Variants in DNAH14 observed in about 807,000 individuals in gnomAD.
DNAH14 encodes axonemal beta dynein heavy chain 14.
A neutral mutation model predicts 520.9 loss-of-function variants in DNAH14; 478 were observed. The ratio of observed to expected loss-of-function variants is 0.92; its 90% CI spans 0.85 to 0.99. The LOEUF (loss-of-function observed/expected upper bound fraction) is 0.99, where lower values mean the gene tolerates loss of function less well. Among genes scored for constraint, DNAH14 ranks in the 50% least tolerant of loss-of-function variants. The pLI, the probability that DNAH14 is intolerant of heterozygous loss-of-function variation, is 0.00. For missense variants in DNAH14, 4,831 were observed against 5,234.5 expected (o/e 0.92, Z 2.38); for synonymous variants, 1,581 against 1,757.2 (o/e 0.90, Z 2.51).
Position 225,318,604 on chromosome 1 carries a change from A to G in DNAH14, c.9262A>G (p.Ser3088Gly), listed in dbSNP as rs756774436. The change falls in exon 61 of 86, where the codon AGT (serine) becomes GGT (glycine). Residue 3088 changes from serine to glycine, a missense_variant. By Grantham distance (56) the Ser-to-Gly change is moderately conservative. Transcript: ENST00000682510. ...YAQKTANELK[S>G]VLPAFDKAIV... Reference sequence around the variant, plus strand: ...GCAGAAAACTGCCAATGAACTAAAAAGTGTGCTGCCAGCCTTTGACAAGGC... The same window carrying G: ...GCAGAAAACTGCCAATGAACTAAAAGGTGTGCTGCCAGCCTTTGACAAGGC... 33 of 1,548,414 alleles carry G rather than the reference A, an allele frequency of 2.1e-5. No individual in the cohort carries two copies. The Admixed American group carries it at 6.5e-4, about 31-fold the overall frequency.
chr1:225,012,355 C>T (rs1041724562), intron 10 of DNAH14, among the ~76,000 whole-genome samples: 5 of 152,014 alleles, frequency 3.3e-5, no homozygotes, highest in African/African-American at 7.3e-5. Flanking sequence ...GCAGGTAACT[C>T]AACCTTTCTC....
At chr1:225,358,706 C>T (rs1431531889) in intron 74 of DNAH14, 54 bp downstream of exon 74, 11 of 1,498,316 alleles carry the variant, frequency 7.3e-6, no homozygotes, top group African/African-American at 1.4e-5. Flanking sequence ...TCTGTGTCCC[C>T]ACCCAAATCT....
chr1:225,144,326 T>C (rs1573474381), intron 28 of DNAH14, 71 bp from the exon 29 acceptor site: 11 of 1,172,434 alleles, frequency 9.4e-6, no homozygotes, highest in South Asian at 6.0e-5. Flanking sequence ...ATCTTGATTC[T>C]TTTTCTGCAT....
intron 78 of DNAH14, among the ~76,000 whole-genome samples, chr1:225,375,095 A>G (rs1161223140): frequency 2.0e-5 from 3 of 152,226 alleles, no homozygotes; most frequent in Non-Finnish European, 4.4e-5. Context: ...AAAATCGTTC[A>G]TGTCCTCCGA....
chr1:225,124,717 C>T (rs2077558969), intron 27 of DNAH14, among the ~76,000 whole-genome samples: 1 of 152,092 alleles, frequency 6.6e-6, no homozygotes, highest in Non-Finnish European at 1.5e-5. Context: ...TTCAAAGTCC[C>T]ATTAATGTGG....
chr1:225,173,567 T>C (rs984418543), intron 36 of DNAH14, among the ~76,000 whole-genome samples: 4 of 152,064 alleles, frequency 2.6e-5, no homozygotes, highest in Admixed American at 1.3e-4. Context: ...GAGATACCAT[T>C]TCACACCAGT....
chr1:225,136,635 T>G (rs2078975348), intron 27 of DNAH14, among the ~76,000 whole-genome samples: 1 of 152,172 alleles, frequency 6.6e-6, no homozygotes, highest in African/African-American at 2.4e-5. Flanking sequence ...GTCTCAGAGT[T>G]GATGTTCTCA....
chr1:224,958,546 G>A (rs1464006425), intron 3 of DNAH14, among the ~76,000 whole-genome samples: 1 of 152,122 alleles, frequency 6.6e-6, no homozygotes, highest in Admixed American at 6.6e-5. Flanking sequence ...ATAAAATAGA[G>A]GGATGATGGA....
In DNAH14 at chr1:225,289,985, A is replaced by G; in HGVS notation, c.8372A>G (p.Tyr2791Cys). The G allele has an allele frequency of 6.5e-7, 1 of 1,543,800 alleles. No individual in the cohort carries two copies. Among genetic ancestry groups the G allele is most frequent in the Admixed American group, 2.0e-5 (1 of 49,970 alleles). The change falls in exon 55 of 86, where the codon TAC becomes TGC. Residue 2791 changes from tyrosine (Y) to cysteine (C), a missense_variant. Tyr to Cys is a radical substitution (Grantham distance 194). Transcript: ENST00000682510. The stretch of plus-strand genomic sequence containing the variant: ...GTGCCTATATCTCACAAATGTGCCT[A>G]CATCGAATTCAAAGAAGTCTTTAAA... ...YRVPISHKCA[Y>C]IEFKEVFKKV...
At chr1:224,979,395 C>G (rs1165763380) in intron 8 of DNAH14, among the ~76,000 whole-genome samples, 1 of 152,158 alleles carries the variant, frequency 6.6e-6, no homozygotes, top group African/African-American at 2.4e-5. Flanking sequence ...GAAATCAAAA[C>G]CCAGCCGAAC....
chr1:225,271,945 C>T lies in DNAH14; in HGVS notation c.7711C>T (p.Pro2571Ser), dbSNP rs2093325761. The T allele has an allele frequency of 1.3e-6, 2 of 1,549,730 alleles. No individual in the cohort carries two copies. Among genetic ancestry groups the T allele is most frequent in the Admixed American group, 2.0e-5 (1 of 50,554 alleles). The stretch of plus-strand genomic sequence containing the variant: ...TTATTTCTCCATCAATAACTTCACA[C>T]CTGAAGTTCAGAAAAGTAAGGATCA... ...GIYFSINNFT[P>S]EVQKSKDQII... The change falls in exon 51 of 86, where the codon CCT (proline) becomes TCT (serine). Residue 2571 changes from proline to serine, a missense_variant. Physicochemically the swap from Pro to Ser is moderately conservative, Grantham distance 74 (BLOSUM62 -1). Coordinates refer to ENST00000682510, the MANE Select transcript of DNAH14 (RefSeq NM_001367479.1).
intron 11 of DNAH14, among the ~76,000 whole-genome samples, chr1:225,029,057 A>C (rs889328802): frequency 1.2e-4 from 18 of 152,092 alleles, no homozygotes; most frequent in African/African-American, 4.1e-4. Context: ...TTAAATATCT[A>C]TAAGTGGATA....
intron 43 of DNAH14, among the ~76,000 whole-genome samples, chr1:225,243,067 G>C (rs560190908): frequency 6.6e-6 from 1 of 152,096 alleles, no homozygotes; most frequent in Non-Finnish European, 1.5e-5. Context: ...AAAGCATTGC[G>C]TGTTAATTTG....
chr1:225,266,591 A>C, intron 48 of DNAH14, 50 bp from the exon 49 acceptor site: 1 of 1,307,564 alleles, frequency 7.6e-7, no homozygotes, highest in Non-Finnish European at 9.9e-7. Flanking sequence ...TTCATAATTT[A>C]AAGAAAGGTG....
Position 225,263,239 on chromosome 1 carries a change from TACAC to T in DNAH14, c.7158-956_7158-953del, listed in dbSNP as rs1397023786. On this transcript the variant is annotated intron_variant, in intron 46 of 85. Transcript: ENST00000682510. Reference sequence around the variant, plus strand: ...ATATACATGTATATATACATATATATACACATATATATACATGTATATATATAAT... The same window carrying T: ...ATATACATGTATATATACATATATATATATATATACATGTATATATATAAT... Among the ~76,000 whole-genome samples, 30 of 150,912 alleles carry T rather than the reference TACAC, an allele frequency of 2.0e-4. No homozygotes were observed. In the East Asian group the frequency reaches 5.6e-3, roughly 28 times the overall value.
intron 28 of DNAH14, among the ~76,000 whole-genome samples, chr1:225,142,971 ATTTT>A (rs996029371): frequency 6.6e-6 from 1 of 151,794 alleles, no homozygotes; most frequent in African/African-American, 2.4e-5. Flanking sequence ...AATGAAATAA[ATTTT>A]TTTTTCTTTC....
At chr1:224,985,508 G>A (rs1033235238) in intron 8 of DNAH14, among the ~76,000 whole-genome samples, 2 of 152,184 alleles carry the variant, frequency 1.3e-5, no homozygotes, top group East Asian at 1.9e-4. Context: ...AACAAATATG[G>A]TGCAGTGTAT....
intron 11 of DNAH14, among the ~76,000 whole-genome samples, chr1:225,032,326 A>C (rs755557648): frequency 6.6e-6 from 1 of 151,946 alleles, no homozygotes; most frequent in Non-Finnish European, 1.5e-5. Context: ...GTGAGAACAT[A>C]CAGTATTTGG....
At chr1:225,158,556 G>A (rs914530888) in intron 34 of DNAH14, among the ~76,000 whole-genome samples, 5 of 152,128 alleles carry the variant, frequency 3.3e-5, no homozygotes, top group Non-Finnish European at 5.9e-5. Flanking sequence ...TTGAGTCACC[G>A]TGTCCAAGTG....
Sources: gnomAD v4.1 joint callset for allele counts (sites outside exome capture counted in the v4.1 genomes callset) on GRCh38, gnomAD v4.1.1 for gene constraint, MANE v1.5 for transcripts, NCBI Gene and HGNC (gene_info 2026-07-23, HGNC 2026-07-21) for gene names.